Variants in TPX2 observed in about 807,000 individuals in gnomAD.
TPX2 encodes targeting protein for Xklp2.
A neutral mutation model predicts 93.6 loss-of-function variants in TPX2; 21 were observed. The observed-to-expected ratio is 0.22, with a 90% CI of 0.16 to 0.32. TPX2 has a LOEUF of 0.32. Ranked by LOEUF, TPX2 falls within the 10% of genes least tolerant of loss-of-function variation. TPX2 has a pLI of 1.00. For synonymous variants in TPX2, 281 were observed against 298.3 expected (o/e 0.94, Z 0.60); for missense variants, 776 against 871.1 (o/e 0.89, Z 1.37).
chr20:31,766,458 T>G (rs971388905), intron 4 of TPX2, 98 bp from the exon 5 acceptor site: 4 of 604,982 alleles, frequency 6.6e-6, no homozygotes, highest in Non-Finnish European at 9.8e-6. Flanking sequence ...AGACAGGGTG[T>G]GTGTGTGTGT....
chr20:31,772,784 T>C (rs2061971780), intron 7 of TPX2, among the ~76,000 whole-genome samples: 1 of 152,156 alleles, frequency 6.6e-6, no homozygotes. Flanking sequence ...GTTGAAAATG[T>C]AGTTTCCAGC....
chr20:31,778,730 T>C (rs976267724), intron 9 of TPX2, 83 bp from the exon 10 acceptor site: 1 of 1,323,224 alleles, frequency 7.6e-7, no homozygotes, highest in Non-Finnish European at 1.0e-6. Context: ...TTTTTATTGA[T>C]CCTCTGTGCC....
intron 12 of TPX2, among the ~76,000 whole-genome samples, chr20:31,789,622 C>CA (rs970953458): frequency 1.8e-4 from 27 of 150,568 alleles, no homozygotes; most frequent in East Asian, 1.6e-3. Flanking sequence ...CAAAAAAAAA[C>CA]AAAAAAAAAC....
rs2061880003 is a variant in TPX2 at position 31,760,122 on chromosome 20, A to C, written c.172A>C (p.Lys58Gln). ...TGGAACTGGAGGGCTTTTTCAGGGC[A>C]AAACTCCTTTGAGAAAGGCTAATCT... Reference protein sequence around the residue: ...KNGTGGLFQGKTPLRKANLQQ... With the variant: ...KNGTGGLFQGQTPLRKANLQQ... Residue 58 changes from lysine to glutamine, a missense_variant, in exon 4 of 18, where the codon AAA (lysine) becomes CAA (glutamine). Lys to Gln is a moderately conservative substitution (Grantham distance 53). Coordinates refer to ENST00000300403, the MANE Select transcript of TPX2 (RefSeq NM_012112.5). 6.2e-7 allele frequency: 1 copy of C among 1,613,892 alleles called. No homozygotes were observed. Among genetic ancestry groups the C allele is most frequent in the African/African-American group, 1.3e-5 (1 of 74,902 alleles).
intron 5 of TPX2, among the ~76,000 whole-genome samples, chr20:31,769,923 A>G (rs1460145339): frequency 6.6e-6 from 1 of 151,960 alleles, no homozygotes; most frequent in Admixed American, 6.6e-5. Flanking sequence ...CCAGCTTCCT[A>G]AGTATCTAGC....
At chr20:31,759,367 A>G (rs2061872764) in intron 3 of TPX2, among the ~76,000 whole-genome samples, 1 of 147,496 alleles carries the variant, frequency 6.8e-6, no homozygotes, top group African/African-American at 2.5e-5. Context: ...TGTAAGCCCT[A>G]CAGTTTTTGA....
At position 31,777,492 on chromosome 20, in the gene TPX2, CCTGTGAAGAAAT is replaced by C; in HGVS notation, c.738_749del (p.Lys248_Val251del). ...TTACTGTGTTCATCTCTCAGGGCAA[CCTGTGAAGAAAT>C]CAGTGAGCCAGGTCACCAAATCAGT... On this transcript the variant is annotated inframe_deletion, in exon 9 of 18. Coordinates refer to ENST00000300403, the MANE Select transcript of TPX2 (RefSeq NM_012112.5). 1 of 1,613,670 alleles carries C rather than the reference CCTGTGAAGAAAT, an allele frequency of 6.2e-7. No individual in the cohort carries two copies. Among genetic ancestry groups the C allele is most frequent in the Non-Finnish European group, 8.5e-7 (1 of 1,179,752 alleles).
intron 4 of TPX2, among the ~76,000 whole-genome samples, chr20:31,764,541 A>G (rs1473974542): frequency 1.3e-5 from 2 of 152,188 alleles, no homozygotes; most frequent in African/African-American, 4.8e-5. Context: ...TTTGCCTGAT[A>G]TTAATATAGC....
At chr20:31,786,096 A>G (rs1274209282) in intron 12 of TPX2, among the ~76,000 whole-genome samples, 1 of 152,212 alleles carries the variant, frequency 6.6e-6, no homozygotes, top group Non-Finnish European at 1.5e-5. Flanking sequence ...ACATTTATAT[A>G]ATAATGCACT....
Position 31,782,367 on chromosome 20 carries a change from T to C in TPX2, c.1173T>C (p.Ala391=). The part of the protein sequence containing the change: ...VTCKSTAELE[A]EELEKLQQYK... ...GCAAAAGTACAGCAGAGCTGGAGGC[T>C]GAGGAGCTCGAGAAATTGCAACAGT... The change falls in exon 11 of 18, where the codon GCT becomes GCC. Residue 391 remains alanine, a synonymous_variant. Coordinates refer to ENST00000300403, the MANE Select transcript of TPX2 (RefSeq NM_012112.5). The C allele has an allele frequency of 1.2e-6, 2 of 1,611,730 alleles. No homozygotes were observed. The highest frequency in any genetic ancestry group is 1.7e-6 in the Non-Finnish European group (2 of 1,179,200).
intron 7 of TPX2, among the ~76,000 whole-genome samples, chr20:31,774,249 C>T (rs1449256032): frequency 6.6e-6 from 1 of 152,160 alleles, no homozygotes; most frequent in Non-Finnish European, 1.5e-5. Flanking sequence ...AATCTTTTTC[C>T]TCTTGTCTGA....
rs1332083909 is a variant in TPX2, at chr20:31,801,338, C to T, written c.*258C>T. 2.5e-6 allele frequency: 1 copy of T among 392,202 alleles called. No individual in the cohort carries two copies. The highest frequency in any genetic ancestry group is 4.6e-5 in the East Asian group (1 of 21,808). 24.3% of individuals were successfully genotyped at this position (392,202 alleles called of 1,614,324 possible). On this transcript the variant is annotated 3_prime_UTR_variant, in exon 18 of 18. Transcript: ENST00000300403. ...CTCCATGTAGTTACTTCCTTTAAACCATCAGCCGGCCTTTTATATGGGTCT... is the reference window on the plus strand; with the variant it reads ...CTCCATGTAGTTACTTCCTTTAAACTATCAGCCGGCCTTTTATATGGGTCT...
Position 31,757,417 on chromosome 20 carries a change from G to A in TPX2, c.-60G>A, listed in dbSNP as rs1326294613. ...CATTTCTTTCCTCAGAAGGTGACCT[G>A]CTGAGAAAAGTGGTACAAATACTGG... On this transcript the variant is annotated 5_prime_UTR_variant, in exon 3 of 18. Coordinates refer to ENST00000300403, the MANE Select transcript of TPX2 (RefSeq NM_012112.5). 1 of 1,353,610 alleles carries A rather than the reference G, an allele frequency of 7.4e-7. No individual in the cohort carries two copies. Among genetic ancestry groups the A allele is most frequent in the African/African-American group, 1.4e-5 (1 of 69,014 alleles). The allele number at this position is 1,353,610 out of a possible 1,614,324, so 83.8% of individuals were successfully genotyped here.
chr20:31,745,067 G>A (rs1226255686), intron 2 of TPX2, among the ~76,000 whole-genome samples: 1 of 152,098 alleles, frequency 6.6e-6, no homozygotes, highest in Admixed American at 6.5e-5. Flanking sequence ...TGCAGCCTAG[G>A]CAACAGCGAG....
chr20:31,772,362 C>T (rs2061969559), intron 7 of TPX2, among the ~76,000 whole-genome samples: 1 of 152,146 alleles, frequency 6.6e-6, no homozygotes, highest in African/African-American at 2.4e-5. Flanking sequence ...GATGGGATTT[C>T]ACTATGTTGC....
At chr20:31,747,580 A>G (rs2061792021) in intron 2 of TPX2, among the ~76,000 whole-genome samples, 1 of 152,216 alleles carries the variant, frequency 6.6e-6, no homozygotes, top group Non-Finnish European at 1.5e-5. Flanking sequence ...GGTTCATAGC[A>G]TACAGGATAG....
chr20:31,777,369 A>G, intron 8 of TPX2, 118 bp from the exon 9 acceptor site: 1 of 1,262,596 alleles, frequency 7.9e-7, no homozygotes, highest in African/African-American at 1.5e-5. Context: ...TTACAGGTAG[A>G]TAGTAAGCAA....
chr20:31,757,402 C>A lies in TPX2; in HGVS notation c.-70-5C>A. On this transcript the variant is annotated splice_region_variant and splice_polypyrimidine_tract_variant and intron_variant, in intron 2 of 17. Coordinates refer to ENST00000300403, the MANE Select transcript of TPX2 (RefSeq NM_012112.5). ...AGATTTATGTGCAACCATTTCTTTC[C>A]TCAGAAGGTGACCTGCTGAGAAAAG... 1 of 1,213,454 alleles carries A rather than the reference C, an allele frequency of 8.2e-7. No individual in the cohort carries two copies. The highest frequency in any genetic ancestry group is 1.2e-6 in the Non-Finnish European group (1 of 838,210). 75.2% of individuals were successfully genotyped at this position (1,213,454 alleles called of 1,614,324 possible). A position where few individuals can be genotyped will look rare whatever the true frequency, so the allele number is the denominator to read the frequency against.
chr20:31,785,513 T>G (rs1568601881), intron 12 of TPX2, among the ~76,000 whole-genome samples: 1 of 152,042 alleles, frequency 6.6e-6, no homozygotes, highest in Non-Finnish European at 1.5e-5. Flanking sequence ...TTTTTTTTTT[T>G]TGAGTTGGAG....
Sources: allele counts gnomAD v4.1 joint callset (sites outside exome capture counted in the v4.1 genomes callset), GRCh38; gene constraint gnomAD v4.1.1; transcripts MANE v1.5; gene names NCBI Gene and HGNC (gene_info 2026-07-23, HGNC 2026-07-21).